The following DIXDC1 variants were observed in gnomAD, a reference collection of about 807,000 sequenced individuals.
The protein encoded by DIXDC1 is DIX domain containing 1.
In DIXDC1, 64 loss-of-function variants were observed where a neutral mutation model predicts 103.1. That is an observed-to-expected ratio of 0.62 (90% confidence interval 0.51 to 0.76). The LOEUF (loss-of-function observed/expected upper bound fraction) is 0.76. DIXDC1 is among the 30% of genes least tolerant of loss of function. The pLI, the probability that DIXDC1 is intolerant of heterozygous loss-of-function variation, is 0.00. For synonymous variants in DIXDC1, 266 were observed against 298.5 expected (o/e 0.89, Z 1.12); for missense variants, 759 against 834.2 (o/e 0.91, Z 1.11).
At chr11:111,935,930 G>A (rs1555168074), upstream of DIXDC1, among the ~76,000 whole-genome samples, 2 of 152,164 alleles carry the variant, frequency 1.3e-5, no homozygotes, top group Admixed American at 1.3e-4. Flanking sequence ...TTCTTTTTCA[G>A]AAACATCTTT....
intron 6 of DIXDC1, 44 bp downstream of exon 6, chr11:111,980,893 G>C (rs782726158): frequency 1.9e-6 from 3 of 1,545,262 alleles, no homozygotes; most frequent in Non-Finnish European, 1.8e-6. Context: ...GGAACAGTCA[G>C]CTTGAAGAAT....
At chr11:111,996,243 A>G (rs1860895282) in intron 17 of DIXDC1, 97 bp downstream of exon 17, 11 of 1,048,880 alleles carry the variant, frequency 1.0e-5, no homozygotes, top group African/African-American at 1.6e-5. Context: ...TTTTTCTTGT[A>G]GTACTTCACT....
intron 17 of DIXDC1, among the ~76,000 whole-genome samples, chr11:112,002,179 T>C (rs1464896974): frequency 1.3e-5 from 2 of 151,404 alleles, no homozygotes; most frequent in African/African-American, 4.9e-5. Context: ...CTTATGAAAA[T>C]GTTGGTTGTG....
rs782052659 is a variant in DIXDC1, at chr11:112,019,075, C to T, written c.*39C>T. ...ATTGAGGGCTTATGGAACCTGGTCA[C>T]TCCCTGGCTGCTTCACTCAGGAAAG... is the stretch of plus-strand genomic sequence containing the variant. On this transcript the variant is annotated 3_prime_UTR_variant, in exon 20 of 20. Transcript: ENST00000440460. The T allele has an allele frequency of 1.3e-6, 2 of 1,554,882 alleles. No individual in the cohort carries two copies. The highest frequency in any genetic ancestry group is 2.2e-5 in the East Asian group (1 of 44,522).
At chr11:111,951,350 TTG>T (rs1555169958) in intron 1 of DIXDC1, among the ~76,000 whole-genome samples, 1 of 152,198 alleles carries the variant, frequency 6.6e-6, no homozygotes, top group Admixed American at 6.5e-5. Flanking sequence ...GGACACAATG[TTG>T]TGTAAATTAT....
upstream of DIXDC1, among the ~76,000 whole-genome samples, chr11:111,935,868 C>T (rs1212351212): frequency 2.6e-5 from 4 of 152,216 alleles, no homozygotes; most frequent in African/African-American, 9.7e-5. Flanking sequence ...AGCTGCCACT[C>T]AACACCTGTG....
rs1860142744 is a variant in DIXDC1 at position 111,977,397 on chromosome 11, G to T, written c.656+2414G>T. The T allele has an allele frequency of 1.8e-6, 2 of 1,127,866 alleles. No individual in the cohort carries two copies. Among genetic ancestry groups the T allele is most frequent in the Non-Finnish European group, 2.2e-6 (2 of 919,630 alleles). 69.9% of individuals were successfully genotyped at this position (1,127,866 alleles called of 1,614,324 possible). A position where few individuals can be genotyped will look rare whatever the true frequency, so the allele number is the denominator to read the frequency against. ...GAGCCTCCCTCCCAGTGGGAGATGGGTTGAGATGCCCCCGCCAGGGGGGAT... is the reference window on the plus strand; with the variant it reads ...GAGCCTCCCTCCCAGTGGGAGATGGTTTGAGATGCCCCCGCCAGGGGGGAT... On this transcript the variant is annotated intron_variant, in intron 5 of 19. Coordinates refer to ENST00000440460, the MANE Select transcript of DIXDC1 (RefSeq NM_001037954.4). This position sits in a 1 kb window ranked among gnomAD's most constrained non-coding sequence, Gnocchi z 6.1.
intron 17 of DIXDC1, among the ~76,000 whole-genome samples, chr11:112,007,047 T>C (rs992380159): frequency 2.6e-5 from 4 of 152,142 alleles, no homozygotes; most frequent in Non-Finnish European, 5.9e-5. Context: ...GCAAGGAAGC[T>C]AGAAACCTTG....
chr11:112,005,146 G>T (rs1555176463), intron 17 of DIXDC1, among the ~76,000 whole-genome samples: 1 of 152,070 alleles, frequency 6.6e-6, no homozygotes, highest in Non-Finnish European at 1.5e-5. Flanking sequence ...TACAGGTGAG[G>T]AAGACTCAAC....
intron 7 of DIXDC1, 127 bp downstream of exon 7, chr11:111,982,614 G>A (rs1454731243): frequency 1.4e-5 from 14 of 1,007,222 alleles, no homozygotes; most frequent in Non-Finnish European, 2.0e-5. Context: ...TAGATATAGG[G>A]AATAGCACAG....
In DIXDC1 at chr11:112,000,222, A is replaced by G. The variant is rs1861024652; in HGVS notation, c.1756+4076A>G. ...AATTAAAAACTTTTGTGTATAAAAGAACACTATCGAGAAAGTAAGTAGACA... is the reference window on the plus strand; with the variant it reads ...AATTAAAAACTTTTGTGTATAAAAGGACACTATCGAGAAAGTAAGTAGACA... On this transcript the variant is annotated intron_variant, in intron 17 of 19. Coordinates refer to ENST00000440460, the MANE Select transcript of DIXDC1 (RefSeq NM_001037954.4). Among the ~76,000 whole-genome samples the G allele has an allele frequency of 2.0e-5, 3 of 152,312 alleles. No individual in the cohort carries two copies. The South Asian group carries it at 6.2e-4, about 32-fold the overall frequency.
chr11:111,994,940 T>A (rs1860840938), intron 14 of DIXDC1, 79 bp from the exon 15 acceptor site: 1 of 1,286,942 alleles, frequency 7.8e-7, no homozygotes, highest in Non-Finnish European at 1.1e-6. Context: ...AAGTGATAAA[T>A]GTAAAGAAGA....
chr11:111,975,111 G>A, intron 5 of DIXDC1, 128 bp downstream of exon 5: 1 of 1,496,612 alleles, frequency 6.7e-7, no homozygotes, highest in Non-Finnish European at 8.9e-7. Context: ...GCTTTAAAGG[G>A]ATACCCCTTA....
At chr11:112,003,892 C>G (rs1004079296) in intron 17 of DIXDC1, among the ~76,000 whole-genome samples, 15 of 151,190 alleles carry the variant, frequency 9.9e-5, no homozygotes, top group African/African-American at 3.6e-4. Context: ...ATCAAAATAA[C>G]ACGAGCCAGG....
chr11:111,948,603 A>G (rs1486704759), intron 1 of DIXDC1, among the ~76,000 whole-genome samples: 1 of 151,220 alleles, frequency 6.6e-6, no homozygotes, highest in Non-Finnish European at 1.5e-5. Context: ...TTCCAGTCCT[A>G]GCTGAGTGCT....
rs587624238 is a variant in DIXDC1, at chr11:112,018,970, T to C, written c.1986T>C (p.Asp662=). 27 of 1,613,592 alleles carry C rather than the reference T, an allele frequency of 1.7e-5. No homozygotes were observed. The East Asian group carries it at 4.5e-4, about 27-fold the overall frequency. The change falls in exon 20 of 20, where the codon GAT becomes GAC. Residue 662 remains aspartate, a synonymous_variant. Coordinates refer to ENST00000440460, the MANE Select transcript of DIXDC1 (RefSeq NM_001037954.4). ...TTTTTCTCTAGATTTTCCATGATGA[T>C]GATGCCATCCCTGGATGGGAAGGGA... is the stretch of plus-strand genomic sequence containing the variant. ...GTVKEEIFHD[D]DAIPGWEGKI...
chr11:111,995,512 G>A lies in DIXDC1; in HGVS notation c.1637G>A (p.Ser546Asn). ...TIDSLEQGIS[S>N]LMERLHVMET... ...GACAGCTTGGAGCAGGGCATTTCTAGCCTCATGGAGCGCCTGCATGTTATG... is the reference window on the plus strand; with the variant it reads ...GACAGCTTGGAGCAGGGCATTTCTAACCTCATGGAGCGCCTGCATGTTATG... Residue 546 changes from serine (S) to asparagine (N), a missense_variant, in exon 16 of 20, where the codon AGC (serine) becomes AAC (asparagine). By Grantham distance (46) the Ser-to-Asn change is conservative (BLOSUM62 1). Transcript: ENST00000440460. 1 of 1,613,988 alleles carries A rather than the reference G, an allele frequency of 6.2e-7. No individual in the cohort carries two copies. Among genetic ancestry groups the A allele is most frequent in the African/African-American group, 1.3e-5 (1 of 75,048 alleles).
chr11:111,936,417 C>A (rs1296717452), upstream of DIXDC1, among the ~76,000 whole-genome samples: 1 of 152,194 alleles, frequency 6.6e-6, no homozygotes, highest in Non-Finnish European at 1.5e-5. Context: ...TTACCTCTTT[C>A]AAATGCACCA....
Position 111,998,375 on chromosome 11 carries a change from G to A in DIXDC1, c.1756+2229G>A, listed in dbSNP as rs1860966002. The stretch of plus-strand genomic sequence containing the variant: ...TGCTCTAATTCTTGAATGTTGATGT[G>A]TCCTGGGATTCCATCCAATTGAAGC... On this transcript the variant is annotated intron_variant, in intron 17 of 19. Coordinates refer to ENST00000440460, the MANE Select transcript of DIXDC1 (RefSeq NM_001037954.4). The surrounding 1 kb of genome is among the most constrained non-coding windows in gnomAD (Gnocchi z 4.1). Among the ~76,000 whole-genome samples the A allele has an allele frequency of 6.6e-6, 1 of 152,072 alleles. No individual in the cohort carries two copies. The highest frequency in any genetic ancestry group is 1.5e-5 in the Non-Finnish European group (1 of 68,020).
Sources: gnomAD v4.1 joint callset for allele counts (sites outside exome capture counted in the v4.1 genomes callset) on GRCh38, gnomAD v4.1.1 for gene constraint, Gnocchi (gnomAD v3.1) non-coding constraint, MANE v1.5 for transcripts, NCBI Gene and HGNC (gene_info 2026-07-23, HGNC 2026-07-21) for gene names.